Variants in NXPH2 observed in about 807,000 individuals in gnomAD.
NXPH2 encodes the protein neurexophilin 2.
Under a neutral mutation model 19.8 loss-of-function variants are expected in NXPH2, and 5 were observed. The observed-to-expected ratio is 0.25, with a 90% confidence interval of 0.13 to 0.53. The LOEUF (loss-of-function observed/expected upper bound fraction) is 0.53. Among genes scored for constraint, NXPH2 ranks in the 20% least tolerant of loss-of-function variants. The probability of loss-of-function intolerance (pLI) is 0.96; values close to 1 mark genes in which losing one functional copy is unlikely to be tolerated. For missense variants in NXPH2, 289 were observed against 322.8 expected (o/e 0.90, Z 0.80); for synonymous variants, 154 against 127.4 (o/e 1.21, Z -1.41).
chr2:138,740,941 G>C (rs1681633215), intron 1 of NXPH2, among the ~76,000 whole-genome samples: 1 of 151,880 alleles, frequency 6.6e-6, no homozygotes, highest in Non-Finnish European at 1.5e-5. Flanking sequence ...GATGTGTGTG[G>C]GGGCTGGGGG....
At chr2:138,707,107 A>AAAAAAAAAAACAAAAAAAAAAC (rs1558918445) in intron 1 of NXPH2, among the ~76,000 whole-genome samples, 2 of 146,622 alleles carry the variant, frequency 1.4e-5, no homozygotes, top group African/African-American at 5.0e-5. Flanking sequence ...AAAAAAAAAA[A>AAAAAAAAAAACAAAAAAAAAAC]AAAAAGAGCA....
chr2:138,688,556 C>T (rs78134095), intron 1 of NXPH2, among the ~76,000 whole-genome samples: 2 of 152,072 alleles, frequency 1.3e-5, no homozygotes, highest in Non-Finnish European at 1.5e-5. Flanking sequence ...GCAGTGGGAC[C>T]CTTTCTCCAC....
chr2:138,689,661 T>C (rs1394132902), intron 1 of NXPH2, among the ~76,000 whole-genome samples: 1 of 152,210 alleles, frequency 6.6e-6, no homozygotes, highest in African/African-American at 2.4e-5. Context: ...TTTCTCACTG[T>C]ACTGTATTTG....
intron 1 of NXPH2, among the ~76,000 whole-genome samples, chr2:138,707,169 GTTTTAT>G (rs995920434): frequency 1.5e-5 from 2 of 136,816 alleles, no homozygotes; most frequent in African/African-American, 2.6e-5. Flanking sequence ...ATATGGGTGA[GTTTTAT>G]TTAAATGACA....
intron 1 of NXPH2, among the ~76,000 whole-genome samples, chr2:138,741,958 C>T (rs1453167055): frequency 6.6e-6 from 1 of 152,154 alleles, no homozygotes; most frequent in Non-Finnish European, 1.5e-5. Context: ...TTACAACTTC[C>T]ACAAAATTGA....
At chr2:138,681,565 C>A (rs1195197724) in intron 1 of NXPH2, among the ~76,000 whole-genome samples, 2 of 152,078 alleles carry the variant, frequency 1.3e-5, no homozygotes, top group Non-Finnish European at 2.9e-5. Context: ...ATATGTAGTC[C>A]TCTACTTATC....
Position 138,780,313 on chromosome 2 carries a change from G to A in NXPH2, c.-72C>T. 2 of 1,267,620 alleles carry A rather than the reference G, an allele frequency of 1.6e-6. No homozygotes were observed. The highest frequency in any genetic ancestry group is 2.1e-6 in the Non-Finnish European group (2 of 975,414). The allele number at this position is 1,267,620 out of a possible 1,614,324, so 78.5% of individuals were successfully genotyped here. A position where few individuals can be genotyped will look rare whatever the true frequency, so the allele number is the denominator to read the frequency against. ...CTCTCGCGCATCTCCACTTCGCGGG[G>A]CAGGACTGAGGACGCCAGGGACACA... is the stretch of plus-strand genomic sequence containing the variant. On this transcript the variant is annotated 5_prime_UTR_variant, in exon 1 of 2. Transcript: ENST00000272641.
At chr2:138,675,684 G>A (rs1010942355) in intron 1 of NXPH2, among the ~76,000 whole-genome samples, 6 of 152,030 alleles carry the variant, frequency 3.9e-5, no homozygotes, top group African/African-American at 1.4e-4. Context: ...GATAAATTGA[G>A]TGTCATTATT....
At chr2:138,691,702 G>A (rs1680749408) in intron 1 of NXPH2, among the ~76,000 whole-genome samples, 1 of 152,176 alleles carries the variant, frequency 6.6e-6, no homozygotes, top group African/African-American at 2.4e-5. Context: ...ACACATGGAG[G>A]CCCTGAAATA....
chr2:138,709,542 C>G (rs4954718), intron 1 of NXPH2, among the ~76,000 whole-genome samples: 142,250 of 151,566 alleles, frequency 0.94, 67,038 homozygotes, highest in East Asian at 1. Flanking sequence ...ACTACCACCT[C>G]AAGTCCATGT....
intron 1 of NXPH2, among the ~76,000 whole-genome samples, chr2:138,764,453 T>C (rs1249471585): frequency 6.6e-6 from 1 of 152,140 alleles, no homozygotes; most frequent in Non-Finnish European, 1.5e-5. Flanking sequence ...AATCACTGAA[T>C]CCAATCATCT....
At chr2:138,723,237 T>C (rs891294195) in intron 1 of NXPH2, among the ~76,000 whole-genome samples, 2 of 152,170 alleles carry the variant, frequency 1.3e-5, no homozygotes, top group African/African-American at 4.8e-5. Flanking sequence ...CAAGGAACTT[T>C]AATGAAGCCT....
chr2:138,772,470 A>G (rs1200961893), intron 1 of NXPH2, among the ~76,000 whole-genome samples: 2 of 151,910 alleles, frequency 1.3e-5, no homozygotes, highest in Non-Finnish European at 2.9e-5. Flanking sequence ...CTAATTTTGT[A>G]TTTTTTAGTA....
At chr2:138,699,172 C>T (rs6760934) in intron 1 of NXPH2, among the ~76,000 whole-genome samples, 145,691 of 152,248 alleles carry the variant, frequency 0.96, 69,778 homozygotes, top group East Asian at 1. Flanking sequence ...TGTAACAAAG[C>T]TTCAACTACA....
rs776090177 is a variant in NXPH2 at position 138,755,383 on chromosome 2, CA to C, written c.51+24807del. Reference sequence around the variant, plus strand: ...GTTTTATGTCTACATACATATGTTGCATATGAATGACCAACTGTTCCAGCAT... The same window carrying C: ...GTTTTATGTCTACATACATATGTTGCTATGAATGACCAACTGTTCCAGCAT... On this transcript the variant is annotated intron_variant, in intron 1 of 1. Transcript: ENST00000272641. Among the ~76,000 whole-genome samples, 81 of 152,086 alleles carry C rather than the reference CA, an allele frequency of 5.3e-4. 1 individual carries two copies. Among genetic ancestry groups the C allele is most frequent in the Non-Finnish European group, 9.7e-4 (66 of 67,966 alleles).
intron 1 of NXPH2, among the ~76,000 whole-genome samples, chr2:138,686,763 C>T (rs1680662080): frequency 6.6e-6 from 1 of 152,092 alleles, no homozygotes; most frequent in Non-Finnish European, 1.5e-5. Flanking sequence ...CGTGTGTTCT[C>T]ATTGTTCAAT....
At chr2:138,748,811 CA>C (rs1262297851) in intron 1 of NXPH2, among the ~76,000 whole-genome samples, 1 of 152,038 alleles carries the variant, frequency 6.6e-6, no homozygotes, top group Non-Finnish European at 1.5e-5. Context: ...CAAAGCAGAG[CA>C]CCTGAAGTTA....
At chr2:138,708,268 A>G (rs1452798353) in intron 1 of NXPH2, among the ~76,000 whole-genome samples, 1 of 152,180 alleles carries the variant, frequency 6.6e-6, no homozygotes, top group East Asian at 1.9e-4. Context: ...TGCCCACTTC[A>G]CAACTATCTC....
chr2:138,746,547 T>C (rs1681737469), intron 1 of NXPH2, among the ~76,000 whole-genome samples: 1 of 152,236 alleles, frequency 6.6e-6, no homozygotes, highest in South Asian at 2.1e-4. Context: ...CAAGCCCTTC[T>C]TGGTAGGCCC....
Sources: allele counts gnomAD v4.1 joint callset (sites outside exome capture counted in the v4.1 genomes callset), GRCh38; gene constraint gnomAD v4.1.1; transcripts MANE v1.5; gene names NCBI Gene and HGNC (gene_info 2026-07-23, HGNC 2026-07-21).